The following AIFM2 variants were observed in gnomAD, a reference collection of about 807,000 sequenced individuals.
AIFM2 encodes the protein ferroptosis suppressor protein 1.
AIFM2 carries 38 observed loss-of-function variants against 35.7 expected under a neutral mutation model. The ratio of observed to expected loss-of-function variants is 1.06; its 90% CI spans 0.82 to 1.39. The LOEUF is 1.39. AIFM2 is among the 40% of genes most tolerant of loss of function. The pLI is 0.00. For synonymous variants in AIFM2, 185 were observed against 203.5 expected (o/e 0.91, Z 0.77); for missense variants, 476 against 491.2 (o/e 0.97, Z 0.29).
intron 3 of AIFM2, 148 bp from the exon 4 acceptor site, chr10:70,121,359 C>T (rs2072504089): frequency 6.9e-6 from 9 of 1,295,078 alleles, no homozygotes; most frequent in African/African-American, 1.7e-5. Flanking sequence ...CCCGAGGCAG[C>T]CCCCATGGGA....
intron 1 of AIFM2, among the ~76,000 whole-genome samples, chr10:70,130,604 C>T (rs1564555694): frequency 6.6e-6 from 1 of 152,182 alleles, no homozygotes; most frequent in Non-Finnish European, 1.5e-5. Context: ...CACCTTTTGA[C>T]TATGTGAATA....
chr10:70,123,988 G>A lies in AIFM2; in HGVS notation c.97C>T (p.Leu33=), dbSNP rs746161825. 9.9e-6 allele frequency: 16 copies of A among 1,613,164 alleles called. No individual in the cohort carries two copies. The Admixed American group carries it at 2.2e-4, about 22-fold the overall frequency. ...TCCACCAGCATGAAGGGGACGTTCAGGGCCTGCAGCTGGCTGGCTGCTGCG... is the reference window on the plus strand; with the variant it reads ...TCCACCAGCATGAAGGGGACGTTCAAGGCCTGCAGCTGGCTGGCTGCTGCG... ...GIAAASQLQA[L]NVPFMLVDMK... is the part of the protein sequence containing the mutation. Residue 33 remains leucine (L), a synonymous_variant, in exon 2 of 9, where the codon CTG becomes TTG. Coordinates refer to ENST00000307864, the MANE Select transcript of AIFM2 (RefSeq NM_032797.6).
chr10:70,129,986 CCA>C (rs2072611039), intron 1 of AIFM2, among the ~76,000 whole-genome samples: 1 of 152,010 alleles, frequency 6.6e-6, no homozygotes, highest in Non-Finnish European at 1.5e-5. Context: ...GAGTTCCAGA[CCA>C]GCCTGGGCAA....
intron 8 of AIFM2, 91 bp from the exon 9 acceptor site, chr10:70,114,420 A>T (rs778975919): frequency 4.0e-6 from 6 of 1,506,158 alleles, no homozygotes; most frequent in Non-Finnish European, 5.4e-6. Flanking sequence ...AGGCCTTCAG[A>T]CTCAGGGCCG....
At position 70,132,764 on chromosome 10, in the gene AIFM2, GGCTCCC is replaced by G. The variant is rs112641567; in HGVS notation, c.-50_-45del. On this transcript the variant is annotated 5_prime_UTR_variant, in exon 1 of 9. Coordinates refer to ENST00000307864, the MANE Select transcript of AIFM2 (RefSeq NM_032797.6). ...GGCCGCGCCCGCGCGCTCTCGCTCC[GGCTCCC>G]GCTCCCGCTCCCGCTCCCGCTTGGT... 2,975 of 152,576 alleles carry G rather than the reference GGCTCCC, an allele frequency of 0.019. 50 individuals are homozygous for G. Among genetic ancestry groups the G allele is most frequent in the East Asian group, 0.069 (348 of 5,074 alleles). 9.5% of individuals were successfully genotyped at this position (152,576 alleles called of 1,614,324 possible). A position where few individuals can be genotyped will look rare whatever the true frequency, so the allele number is the denominator to read the frequency against.
Position 70,114,266 on chromosome 10 carries a change from T to C in AIFM2, c.1034A>G (p.Tyr345Cys). The change falls in exon 9 of 9, where the codon TAT (tyrosine) becomes TGT (cysteine). Residue 345 changes from tyrosine (Y) to cysteine (C), a missense_variant. Tyr to Cys is a radical substitution (Grantham distance 194). Coordinates refer to ENST00000307864, the MANE Select transcript of AIFM2 (RefSeq NM_032797.6). The part of the protein sequence containing the change: ...NDGVGQISGF[Y>C]VGRLMVRLTK... The stretch of plus-strand genomic sequence containing the variant: ...CAGCCGAACCATGAGCCGGCCCACA[T>C]AGAAGCCACTGATTTGGCCCACACC... 14 of 1,613,796 alleles carry C rather than the reference T, an allele frequency of 8.7e-6. No homozygotes were observed. The highest frequency in any genetic ancestry group is 1.2e-5 in the Non-Finnish European group (14 of 1,179,988).
Position 70,115,357 on chromosome 10 carries a change from G to A in AIFM2, c.770-237C>T, listed in dbSNP as rs558241382. On this transcript the variant is annotated intron_variant, in intron 7 of 8. Coordinates refer to ENST00000307864, the MANE Select transcript of AIFM2 (RefSeq NM_032797.6). The stretch of plus-strand genomic sequence containing the variant: ...TGCAGAGGCAAGGTTGCTGATGCCA[G>A]AGTGGAAATGGGTCAAAATACCAAC... 4.3e-4 allele frequency among the ~76,000 whole-genome samples: 66 copies of A among 152,374 alleles called. 1 individual carries two copies. In the South Asian group the frequency reaches 0.013, roughly 31 times the overall value.
intron 3 of AIFM2, among the ~76,000 whole-genome samples, chr10:70,123,159 C>T (rs538893481): frequency 1.6e-4 from 24 of 152,330 alleles, no homozygotes; most frequent in African/African-American, 5.5e-4. Flanking sequence ...GCTGAGATTA[C>T]ATGCGCCCAC....
At chr10:70,129,289 T>C (rs2072602306) in intron 1 of AIFM2, among the ~76,000 whole-genome samples, 1 of 151,960 alleles carries the variant, frequency 6.6e-6, no homozygotes, top group Non-Finnish European at 1.5e-5. Flanking sequence ...TTCAATGAGA[T>C]CATTTACGTA....
rs1477198152 is a variant in AIFM2, at chr10:70,115,457, TGTAA to T, written c.770-341_770-338del. Among the ~76,000 whole-genome samples, 3 of 152,212 alleles carry T rather than the reference TGTAA, an allele frequency of 2.0e-5. No individual in the cohort carries two copies. In the East Asian group the frequency reaches 5.8e-4, roughly 29 times the overall value. On this transcript the variant is annotated intron_variant, in intron 7 of 8. Coordinates refer to ENST00000307864, the MANE Select transcript of AIFM2 (RefSeq NM_032797.6). ...GCTGAGTCTTGAATTGACTTTTGAATGTAAGTGAGATTTTAAAAATAAATGCAGG... is the reference window on the plus strand; with the variant it reads ...GCTGAGTCTTGAATTGACTTTTGAATGTGAGATTTTAAAAATAAATGCAGG...
At chr10:70,125,720 C>T (rs2072558780) in intron 1 of AIFM2, among the ~76,000 whole-genome samples, 1 of 152,092 alleles carries the variant, frequency 6.6e-6, no homozygotes, top group Non-Finnish European at 1.5e-5. Flanking sequence ...ATCCTCCCAC[C>T]TCAACCTCCC....
At chr10:70,127,267 G>T (rs998339146) in intron 1 of AIFM2, among the ~76,000 whole-genome samples, 1 of 152,238 alleles carries the variant, frequency 6.6e-6, no homozygotes, top group African/African-American at 2.4e-5. Context: ...CAAGTTAGCT[G>T]GGCATGGCCC....
intron 3 of AIFM2, among the ~76,000 whole-genome samples, chr10:70,121,928 C>T (rs1368729441): frequency 6.6e-6 from 1 of 151,658 alleles, no homozygotes; most frequent in East Asian, 1.9e-4. Context: ...CCCATCTCTA[C>T]TAAAAATACA....
chr10:70,117,846 C>A lies in AIFM2; in HGVS notation c.582G>T (p.Glu194Asp). 1 of 1,604,814 alleles carries A rather than the reference C, an allele frequency of 6.2e-7. No homozygotes were observed. The highest frequency in any genetic ancestry group is 8.5e-7 in the Non-Finnish European group (1 of 1,176,566). The change falls in exon 6 of 9, where the codon GAG becomes GAT. Residue 194 changes from glutamate to aspartate, a missense_variant. Coordinates refer to ENST00000307864, the MANE Select transcript of AIFM2 (RefSeq NM_032797.6). The surrounding 1 kb of genome is among the most constrained non-coding windows in gnomAD (Gnocchi z 4.7). Reference sequence around the variant, plus strand: ...GCTGCACGCCCTTCCGGAGGAGGATCTCCTTCACTTCCTGCCGGACGGAGG... The same window carrying A: ...GCTGCACGCCCTTCCGGAGGAGGATATCCTTCACTTCCTGCCGGACGGAGG... The part of the protein sequence containing the change: ...LLPSVRQEVK[E>D]ILLRKGVQLL...
chr10:70,115,485 G>A (rs539831612), intron 7 of AIFM2, among the ~76,000 whole-genome samples: 5 of 152,244 alleles, frequency 3.3e-5, no homozygotes, highest in African/African-American at 1.2e-4. Flanking sequence ...AATAAATGCA[G>A]GCCAGGTGTG....
rs375862895 is a variant in AIFM2 at position 70,123,386 on chromosome 10, C to T, written c.294+19G>A. ...GAGGGCCCTTGAGCCAGCTGGCAGC[C>T]GGGCTGGCCCTCACTCACCTCGCCA... On this transcript the variant is annotated intron_variant, in intron 3 of 8. Coordinates refer to ENST00000307864, the MANE Select transcript of AIFM2 (RefSeq NM_032797.6). 97 of 1,608,516 alleles carry T rather than the reference C, an allele frequency of 6.0e-5. No individual in the cohort carries two copies. Among genetic ancestry groups the T allele is most frequent in the Non-Finnish European group, 6.4e-5 (75 of 1,175,780 alleles).
At chr10:70,129,890 A>T (rs933549165) in intron 1 of AIFM2, among the ~76,000 whole-genome samples, 3 of 26,294 alleles carry the variant, frequency 1.1e-4, no homozygotes, top group Non-Finnish European at 2.8e-4. Flanking sequence ...CCCATCTTTT[A>T]AAAAAAAAAA....
At chr10:70,115,181 G>A (rs1589845367) in intron 7 of AIFM2, 61 bp from the exon 8 acceptor site, 4 of 1,560,512 alleles carry the variant, frequency 2.6e-6, no homozygotes, top group Admixed American at 1.8e-5. Context: ...TGGCCACCAG[G>A]AGGAGGAGAG....
rs747667750 is a variant in AIFM2, at chr10:70,116,798, A to G, written c.617-24T>C. On this transcript the variant is annotated intron_variant, in intron 6 of 8. Transcript: ENST00000307864. ...ACCTAGAAGGGGGTTCATGACCAGG[A>G]GGCTGGTGGGGACAGGGACCCCATC... 139 of 1,612,286 alleles carry G rather than the reference A, an allele frequency of 8.6e-5. 1 individual carries two copies. In the South Asian group the frequency reaches 1.1e-3, roughly 13 times the overall value.
Sources: gnomAD v4.1 joint callset for allele counts (sites outside exome capture counted in the v4.1 genomes callset) on GRCh38, gnomAD v4.1.1 for gene constraint, Gnocchi (gnomAD v3.1) non-coding constraint, MANE v1.5 for transcripts, NCBI Gene and HGNC (gene_info 2026-07-23, HGNC 2026-07-21) for gene names.